The following ZNF346 variants were observed in gnomAD, a reference collection of about 807,000 sequenced individuals.
ZNF346 encodes the protein zinc finger protein 346.
ZNF346 carries 23 observed loss-of-function variants against 33.7 expected under a neutral mutation model. That is an observed-to-expected ratio of 0.68 (90% CI 0.49 to 0.97). The LOEUF (loss-of-function observed/expected upper bound fraction) is 0.97. Ranked by LOEUF, ZNF346 falls within the 50% of genes least tolerant of loss-of-function variation. The pLI, the probability that ZNF346 is intolerant of heterozygous loss-of-function variation, is 0.00. For missense variants in ZNF346, 340 were observed against 371.1 expected, an observed-to-expected ratio of 0.92 and a Z score of 0.69; for synonymous variants, 134 against 142.4, an observed-to-expected ratio of 0.94 and a Z score of 0.42.
At chr5:177,062,771 T>C (rs1169452666) in intron 6 of ZNF346, among the ~76,000 whole-genome samples, 2 of 152,200 alleles carry the variant, frequency 1.3e-5, no homozygotes, top group African/African-American at 2.4e-5. Context: ...AGGCCATATG[T>C]CAAGCAGATT....
intron 1 of ZNF346, among the ~76,000 whole-genome samples, chr5:177,027,586 C>CAAA (rs1282201135): frequency 1.5e-5 from 1 of 64,640 alleles, no homozygotes; most frequent in African/African-American, 4.2e-5. Context: ...GACTTTGTCT[C>CAAA]AAAAAAAAAA....
Position 177,028,707 on chromosome 5 carries a change from C to CTT in ZNF346, c.175+5821_175+5822dup, listed in dbSNP as rs56172509. ...TTTGTTATTTATAACAAGCCCCTTT[C>CTT]TTTTTTTTTTTTTTTTTTTTTTTTT... On this transcript the variant is annotated intron_variant, in intron 1 of 6. Coordinates refer to ENST00000358149, the MANE Select transcript of ZNF346 (RefSeq NM_012279.4). Among the ~76,000 whole-genome samples the CTT allele has an allele frequency of 3.3e-3, 220 of 67,394 alleles. 8 individuals are homozygous for CTT. The highest frequency in any genetic ancestry group is 4.7e-3 in the Non-Finnish European group (160 of 34,012). 44.2% of individuals were successfully genotyped at this position (67,394 alleles called of 152,430 possible).
chr5:177,044,248 GA>G (rs1202295197), intron 3 of ZNF346, 140 bp from the exon 4 acceptor site: 2 of 884,332 alleles, frequency 2.3e-6, no homozygotes, highest in Non-Finnish European at 3.5e-6. Context: ...AAAGTAGCTG[GA>G]GAAGAATCTA....
intron 1 of ZNF346, among the ~76,000 whole-genome samples, chr5:177,026,352 ATT>A (rs59380094): frequency 0.13 from 13,025 of 101,342 alleles, 599 homozygotes; most frequent in Non-Finnish European, 0.17. Context: ...TGGATTGGTA[ATT>A]TTTTTTTTTT....
intron 1 of ZNF346, among the ~76,000 whole-genome samples, chr5:177,038,319 C>G (rs1193403283): frequency 6.9e-6 from 1 of 145,542 alleles, no homozygotes; most frequent in Non-Finnish European, 1.5e-5. Context: ...CCCTGTGTTG[C>G]CCAGGACAGT....
intron 4 of ZNF346, among the ~76,000 whole-genome samples, chr5:177,046,856 C>T (rs1170614823): frequency 1.3e-5 from 2 of 151,940 alleles, no homozygotes; most frequent in African/African-American, 2.4e-5. Flanking sequence ...ACAATGCATA[C>T]TCATTATGAA....
intron 8 of ZNF346, among the ~76,000 whole-genome samples, chr5:177,075,725 C>A (rs530892415): frequency 6.6e-6 from 1 of 151,064 alleles, no homozygotes; most frequent in Non-Finnish European, 1.5e-5. Context: ...TCTCTCTTGT[C>A]GCCCAGGCTA....
Position 177,066,451 on chromosome 5 carries a change from G to A in ZNF346, c.*1852G>A, listed in dbSNP as rs1396349620. Among the ~76,000 whole-genome samples, 2 of 152,110 alleles carry A rather than the reference G, an allele frequency of 1.3e-5. No individual in the cohort carries two copies. Among genetic ancestry groups the A allele is most frequent in the Non-Finnish European group, 2.9e-5 (2 of 68,020 alleles). On this transcript the variant is annotated 3_prime_UTR_variant, in exon 7 of 7. Transcript: ENST00000358149. ...TTTTTATTGAATGAACAAATGAGGT[G>A]TATGAGGAGAGATGGTTTTCTCCTG...
intron 1 of ZNF346, among the ~76,000 whole-genome samples, chr5:177,039,517 A>G (rs1163581507): frequency 6.6e-6 from 1 of 151,426 alleles, no homozygotes; most frequent in Non-Finnish European, 1.5e-5. Context: ...TGGCACTAAC[A>G]TGGCTTGCCA....
At chr5:177,026,130 G>A (rs962110890) in intron 1 of ZNF346, among the ~76,000 whole-genome samples, 41 of 151,716 alleles carry the variant, frequency 2.7e-4, no homozygotes, top group African/African-American at 8.7e-4. Context: ...TCAGCGTCCC[G>A]AGTAGCTGGG....
chr5:177,039,052 C>T (rs964161993), intron 1 of ZNF346, among the ~76,000 whole-genome samples: 25 of 152,026 alleles, frequency 1.6e-4, no homozygotes, highest in East Asian at 1.2e-3. Flanking sequence ...TCACCACACC[C>T]GGCTAGTTTT....
Position 177,044,210 on chromosome 5 carries a change from G to T in ZNF346, c.373-179G>T, listed in dbSNP as rs1779738072. On this transcript the variant is annotated intron_variant, in intron 3 of 6. Transcript: ENST00000358149. ...AAGCAAGGAAGCATCAGAGAATAAA[G>T]TGGGGGATGGTGAGTAGAGTCTGGG... The T allele has an allele frequency of 1.9e-5, 12 of 628,694 alleles. No homozygotes were observed. In the South Asian group the frequency reaches 2.4e-4, roughly 13 times the overall value. 38.9% of individuals were successfully genotyped at this position (628,694 alleles called of 1,614,324 possible). A position where few individuals can be genotyped will look rare whatever the true frequency, so the allele number is the denominator to read the frequency against.
intron 8 of ZNF346, among the ~76,000 whole-genome samples, chr5:177,074,560 A>G (rs973454273): frequency 6.6e-6 from 1 of 152,176 alleles, no homozygotes; most frequent in Non-Finnish European, 1.5e-5. Flanking sequence ...AGGCAGGAGA[A>G]TTTCTTAGGC....
chr5:177,038,393 G>C (rs1778848570), intron 1 of ZNF346, among the ~76,000 whole-genome samples: 1 of 150,946 alleles, frequency 6.6e-6, no homozygotes, highest in African/African-American at 2.4e-5. Context: ...GATTATAGGT[G>C]TGAGCCACCA....
intron 1 of ZNF346, among the ~76,000 whole-genome samples, chr5:177,040,632 A>C (rs1286115274): frequency 2.0e-5 from 3 of 152,340 alleles, no homozygotes; most frequent in African/African-American, 7.2e-5. Flanking sequence ...GGCGTGAGCC[A>C]CCACGCCCCA....
chr5:177,064,627 G>A lies in ZNF346; in HGVS notation c.*28G>A, dbSNP rs768174308. 1 of 1,588,186 alleles carries A rather than the reference G, an allele frequency of 6.3e-7. No individual in the cohort carries two copies. The highest frequency in any genetic ancestry group is 8.6e-7 in the Non-Finnish European group (1 of 1,156,320). ...GTGATTCTGCCCAGCATCCCATATT[G>A]GGCCAGCCATGAGCCAGCTTCCCGT... On this transcript the variant is annotated 3_prime_UTR_variant, in exon 7 of 7. Coordinates refer to ENST00000358149, the MANE Select transcript of ZNF346 (RefSeq NM_012279.4).
intron 8 of ZNF346, among the ~76,000 whole-genome samples, chr5:177,076,159 T>A (rs115002175): frequency 3.8e-4 from 58 of 152,304 alleles, no homozygotes; most frequent in African/African-American, 1.4e-3. Context: ...GTGACAAGAA[T>A]CTGATGTCTG....
intron 5 of ZNF346, among the ~76,000 whole-genome samples, chr5:177,060,313 G>A (rs1217435771): frequency 1.3e-5 from 2 of 152,206 alleles, no homozygotes; most frequent in Admixed American, 1.3e-4. Context: ...ATGAGGTCAG[G>A]AGTTTGAGAC....
chr5:177,064,842 G>T lies in ZNF346; in HGVS notation c.*243G>T. The T allele has an allele frequency of 2.0e-6, 1 of 503,174 alleles. No individual in the cohort carries two copies. Among genetic ancestry groups the T allele is most frequent in the Admixed American group, 3.3e-5 (1 of 29,906 alleles). 31.2% of individuals were successfully genotyped at this position (503,174 alleles called of 1,614,324 possible). A position where few individuals can be genotyped will look rare whatever the true frequency, so the allele number is the denominator to read the frequency against. ...GTATTGAGAGACTCGGGGTCTCGCG[G>T]GGTGGTAGTTTGGAGGGTGGCTTTC... On this transcript the variant is annotated 3_prime_UTR_variant, in exon 7 of 7. Transcript: ENST00000358149.
Sources: allele counts gnomAD v4.1 joint callset (sites outside exome capture counted in the v4.1 genomes callset), GRCh38; gene constraint gnomAD v4.1.1; transcripts MANE v1.5; gene names NCBI Gene and HGNC (gene_info 2026-07-23, HGNC 2026-07-21).